Variants in LAIR1 observed in about 807,000 individuals in gnomAD.
LAIR1 encodes leukocyte-associated immunoglobulin-like receptor 1.
Under a neutral mutation model 32.8 loss-of-function variants are expected in LAIR1, and 24 were observed. The observed-to-expected ratio is 0.73, with a 90% CI of 0.53 to 1.03. The LOEUF is 1.03. Ranked by LOEUF, LAIR1 falls within the 50% of genes least tolerant of loss-of-function variation. The pLI is 0.00. For synonymous variants in LAIR1, 150 were observed against 140.5 expected, an observed-to-expected ratio of 1.07 and a Z score of -0.48; for missense variants, 355 against 347.5, an observed-to-expected ratio of 1.02 and a Z score of -0.17.
upstream of LAIR1, among the ~76,000 whole-genome samples, chr19:54,369,738 A>G (rs1601346196): frequency 6.6e-6 from 1 of 151,810 alleles, no homozygotes; most frequent in South Asian, 2.1e-4. Context: ...TTAAACACCA[A>G]TTAAATGTCA....
At chr19:54,361,491 A>G (rs62132209) in intron 2 of LAIR1, among the ~76,000 whole-genome samples, 88,602 of 148,992 alleles carry the variant, frequency 0.59, 25,535 homozygotes, top group East Asian at 0.74. Flanking sequence ...AGCAGCCTGG[A>G]GCCCTTCATG....
In LAIR1 at chr19:54,364,894, C is replaced by A; in HGVS notation, c.-90G>T. The A allele has an allele frequency of 6.2e-7, 1 of 1,610,578 alleles. No individual in the cohort carries two copies. Among genetic ancestry groups the A allele is most frequent in the Non-Finnish European group, 8.5e-7 (1 of 1,178,376 alleles). ...AGACACAAGCAGACAGGATGTGCTG[C>A]CCGGGGGCCTCCTGCCTATGGGGCT... On this transcript the variant is annotated 5_prime_UTR_variant, in exon 1 of 10. Coordinates refer to ENST00000391742, the MANE Select transcript of LAIR1 (RefSeq NM_002287.6). This position sits in a 1 kb window ranked among gnomAD's most constrained non-coding sequence, Gnocchi z 4.8.
intron 7 of LAIR1, 32 bp downstream of exon 7, chr19:54,356,324 G>A: frequency 1.3e-6 from 2 of 1,598,062 alleles, no homozygotes; most frequent in South Asian, 2.3e-5. Flanking sequence ...AGGACTGGGT[G>A]GAGGTCCAGG....
At position 54,361,130 on chromosome 19, in the gene LAIR1, C is replaced by T; in HGVS notation, c.150G>A (p.Arg50=). Residue 50 remains arginine, a synonymous_variant, in exon 3 of 10, where the codon CGG becomes CGA. Transcript: ENST00000391742. The part of the protein sequence containing the change: ...PLGSHVTFVC[R]GPVGVQTFRL... ...GGAATGTTTGAACCCCAACCGGGCCCCGGCACACGAAAGTCACATGGCTCC... is the reference window on the plus strand; with the variant it reads ...GGAATGTTTGAACCCCAACCGGGCCTCGGCACACGAAAGTCACATGGCTCC... 1 of 1,614,186 alleles carries T rather than the reference C, an allele frequency of 6.2e-7. No individual in the cohort carries two copies. The highest frequency in any genetic ancestry group is 8.5e-7 in the Non-Finnish European group (1 of 1,180,030).
chr19:54,373,249 T>C (rs542330380), upstream of LAIR1, among the ~76,000 whole-genome samples: 267 of 151,204 alleles, frequency 1.8e-3, 2 homozygotes, highest in South Asian at 2.7e-3. Flanking sequence ...GAGACCATCC[T>C]GGCCAACACG....
At chr19:54,366,689 C>T (rs1302001214), upstream of LAIR1, among the ~76,000 whole-genome samples, 3 of 152,042 alleles carry the variant, frequency 2.0e-5, no homozygotes, top group Non-Finnish European at 2.9e-5. Context: ...GGGGTTTCAC[C>T]GTGTTAGCCA....
At chr19:54,365,098 A>G (rs2082210247), upstream of LAIR1, 1 of 1,299,930 alleles carries the variant, frequency 7.7e-7, no homozygotes, top group Admixed American at 3.8e-5. Flanking sequence ...TTCTAAATCT[A>G]TGGGACAAGG....
At chr19:54,359,451 C>T (rs2081899438) in intron 4 of LAIR1, among the ~76,000 whole-genome samples, 1 of 151,816 alleles carries the variant, frequency 6.6e-6, no homozygotes, top group Non-Finnish European at 1.5e-5. Context: ...GAGCCCTCCT[C>T]CTCTTAAGGG....
Position 54,356,349 on chromosome 19 carries a change from G to A in LAIR1, c.626+7C>T. 1.3e-6 allele frequency: 2 copies of A among 1,596,464 alleles called. No homozygotes were observed. The highest frequency in any genetic ancestry group is 8.5e-7 in the Non-Finnish European group (1 of 1,171,758). The stretch of plus-strand genomic sequence containing the variant: ...GGAGGTCCAGGAGTCATTCCCAGGG[G>A]CCTCACCTCTGCTGTGGCTTCTGCT... On this transcript the variant is annotated splice_region_variant and intron_variant, in intron 7 of 9. Coordinates refer to ENST00000391742, the MANE Select transcript of LAIR1 (RefSeq NM_002287.6).
intron 2 of LAIR1, among the ~76,000 whole-genome samples, chr19:54,362,174 T>G (rs1008283929): frequency 6.6e-6 from 1 of 152,140 alleles, no homozygotes; most frequent in Non-Finnish European, 1.5e-5. Flanking sequence ...GGTGAGAACA[T>G]TTAAAATCTG....
upstream of LAIR1, among the ~76,000 whole-genome samples, chr19:54,373,508 C>T (rs11880319): frequency 3.7e-3 from 568 of 152,270 alleles, 4 homozygotes; most frequent in African/African-American, 9.5e-3. Context: ...ACCTCTTATA[C>T]GCTTGGTGTT....
chr19:54,358,553 T>G lies in LAIR1; in HGVS notation c.415+1469A>C, dbSNP rs747641723. On this transcript the variant is annotated intron_variant, in intron 4 of 9. Transcript: ENST00000391742. The stretch of plus-strand genomic sequence containing the variant: ...TCTAACTATTTCTCCCCATTGAAGT[T>G]CACAAGACGGGAGGCCATTTCTCCT... The G allele has an allele frequency of 1.6e-5, 25 of 1,610,754 alleles. No homozygotes were observed. The Admixed American group carries it at 4.0e-4, about 26-fold the overall frequency.
rs1323023826 is a variant in LAIR1 at position 54,354,438 on chromosome 19, G to A, written c.*830C>T. The A allele has an allele frequency of 2.6e-5, 4 of 152,208 alleles. No homozygotes were observed. Among genetic ancestry groups the A allele is most frequent in the South Asian group, 4.1e-4 (2 of 4,826 alleles). The allele number at this position is 152,208 out of a possible 1,614,324, so 9.4% of individuals were successfully genotyped here. ...TCAGAATATCTAATGTATCGTATCT[G>A]TGGCGATGGGTGCGCTGAGGAATTG... On this transcript the variant is annotated 3_prime_UTR_variant, in exon 10 of 10. Coordinates refer to ENST00000391742, the MANE Select transcript of LAIR1 (RefSeq NM_002287.6).
chr19:54,375,567 C>T, the LAIR1 span, among the ~76,000 whole-genome samples: 1 of 152,228 alleles, frequency 6.6e-6, no homozygotes, highest in Non-Finnish European at 1.5e-5. Flanking sequence ...TCCAGACGGG[C>T]AACCACGGCT....
rs2081539608 is a variant in LAIR1 at position 54,351,891 on chromosome 19, AAAAAAAAAGT to A, written c.*3367_*3376del. On this transcript the variant is annotated 3_prime_UTR_variant, in exon 10 of 10. Coordinates refer to ENST00000391742, the MANE Select transcript of LAIR1 (RefSeq NM_002287.6). ...AAGGTAAAAAAAAGTTAAAAAAAAG[AAAAAAAAAGT>A]CCACCCTATAGTTTGTATAACAAAC... The A allele has an allele frequency of 6.6e-6, 1 of 151,544 alleles. No homozygotes were observed. The highest frequency in any genetic ancestry group is 6.6e-5 in the Admixed American group (1 of 15,218). 9.4% of individuals were successfully genotyped at this position (151,544 alleles called of 1,614,324 possible).
At chr19:54,363,155 C>T (rs555312188) in intron 2 of LAIR1, among the ~76,000 whole-genome samples, 20 of 148,988 alleles carry the variant, frequency 1.3e-4, no homozygotes, top group Non-Finnish European at 2.7e-4. Context: ...AGGAAGGGAG[C>T]AGGCAGCAGT....
intron 2 of LAIR1, among the ~76,000 whole-genome samples, chr19:54,363,040 A>T (rs577916844): frequency 6.6e-6 from 1 of 151,988 alleles, no homozygotes; most frequent in Admixed American, 6.6e-5. Context: ...AAAAGATTTC[A>T]TCTTACGATG....
In LAIR1 at chr19:54,355,879, T is replaced by A. The variant is rs1601263208; in HGVS notation, c.717+75A>T. The A allele has an allele frequency of 1.9e-6, 2 of 1,053,966 alleles. No homozygotes were observed. The highest frequency in any genetic ancestry group is 3.4e-5 in the Admixed American group (2 of 58,802). The allele number at this position is 1,053,966 out of a possible 1,614,324, so 65.3% of individuals were successfully genotyped here. A position where few individuals can be genotyped will look rare whatever the true frequency, so the allele number is the denominator to read the frequency against. On this transcript the variant is annotated intron_variant, in intron 9 of 9. Transcript: ENST00000391742. This position sits in a 1 kb window ranked among gnomAD's most constrained non-coding sequence, Gnocchi z 4.7. ...ACCGCCCAGCTGAGCCACTCCTGAA[T>A]TCCTAACCCAAGGAACTGAGATTTT...
rs980865501 is a variant in LAIR1 at position 54,356,925 on chromosome 19, C to G, written c.454+3G>C. 2 of 1,613,978 alleles carry G rather than the reference C, an allele frequency of 1.2e-6. No homozygotes were observed. The highest frequency in any genetic ancestry group is 1.3e-5 in the African/African-American group (1 of 75,036). ...TTCATGCTCCACGGCCCCCATCACT[C>G]ACGCTCATTGTGACTGTTGTCCGAC... On this transcript the variant is annotated splice_donor_region_variant and intron_variant, in intron 5 of 9. Coordinates refer to ENST00000391742, the MANE Select transcript of LAIR1 (RefSeq NM_002287.6).
Sources: gnomAD v4.1 joint callset for allele counts (sites outside exome capture counted in the v4.1 genomes callset) on GRCh38, gnomAD v4.1.1 for gene constraint, Gnocchi (gnomAD v3.1) non-coding constraint, MANE v1.5 for transcripts, NCBI Gene and HGNC (gene_info 2026-07-23, HGNC 2026-07-21) for gene names.